LCP2: variants seen among roughly 807,000 people sequenced by gnomAD.
LCP2 encodes lymphocyte cytosolic protein 2.
LCP2 carries 29 observed loss-of-function variants against 74.5 expected under a neutral mutation model. The observed-to-expected ratio is 0.39, with a 90% CI of 0.29 to 0.53. LCP2 has a LOEUF of 0.53. Ranked by LOEUF, LCP2 falls within the 20% of genes least tolerant of loss-of-function variation. The pLI is 0.72. For missense variants in LCP2, 604 were observed against 634.6 expected (o/e 0.95, Z 0.52); for synonymous variants, 228 against 229.5 (o/e 0.99, Z 0.06).
chr5:170,260,312 C>T (rs1024668014), intron 14 of LCP2, among the ~76,000 whole-genome samples: 8 of 152,218 alleles, frequency 5.3e-5, no homozygotes, highest in Non-Finnish European at 1.2e-4. Context: ...ACAAGCACAG[C>T]ATCTAGCACA....
rs112523793 is a variant in LCP2, at chr5:170,261,459, G to GTATATA, written c.927-328_927-323dup. 1.7e-3 allele frequency among the ~76,000 whole-genome samples: 261 copies of GTATATA among 150,194 alleles called. 1 individual carries two copies. The highest frequency in any genetic ancestry group is 2.8e-3 in the Non-Finnish European group (189 of 67,494). On this transcript the variant is annotated intron_variant, in intron 13 of 20. Coordinates refer to ENST00000046794, the MANE Select transcript of LCP2 (RefSeq NM_005565.5). ...ATGTATATGTACACACACACTATAT[G>GTATATA]TATATACACACACACACACACACAC...
intron 1 of LCP2, among the ~76,000 whole-genome samples, chr5:170,294,787 C>T (rs1368798123): frequency 2.6e-5 from 4 of 152,186 alleles, no homozygotes; most frequent in Non-Finnish European, 4.4e-5. Context: ...GAAGAGTCAA[C>T]TGCCTTTAAT....
chr5:170,251,311 C>T (rs190464896), intron 19 of LCP2: 73 of 193,616 alleles, frequency 3.8e-4, no homozygotes, highest in Middle Eastern at 2.3e-3. Flanking sequence ...AGTCAGAAAA[C>T]ATCCACATGC....
Position 170,248,550 on chromosome 5 carries a change from C to A in LCP2, c.*147G>T. 1 of 792,478 alleles carries A rather than the reference C, an allele frequency of 1.3e-6. No individual in the cohort carries two copies. Among genetic ancestry groups the A allele is most frequent in the Non-Finnish European group, 2.1e-6 (1 of 483,844 alleles). 49.1% of individuals were successfully genotyped at this position (792,478 alleles called of 1,614,324 possible). On this transcript the variant is annotated 3_prime_UTR_variant, in exon 21 of 21. Coordinates refer to ENST00000046794, the MANE Select transcript of LCP2 (RefSeq NM_005565.5). ...GATAGTTGACAGTCTTCATTTCAAA[C>A]ACTGTTTTTAAAGGAAAGGATAAAA...
In LCP2 at chr5:170,295,239, T is replaced by C. The variant is rs1430776920; in HGVS notation, c.79-1867A>G. On this transcript the variant is annotated intron_variant, in intron 1 of 20. Transcript: ENST00000046794. ...AACATGGTCTCTGTCCTCAGGAGCT[T>C]ATATTCCAGACACAGGACGAGGTAC... 3.9e-5 allele frequency among the ~76,000 whole-genome samples: 6 copies of C among 152,238 alleles called. No individual in the cohort carries two copies. The East Asian group carries it at 1.2e-3, about 29-fold the overall frequency.
chr5:170,296,516 T>C (rs1762388524), intron 1 of LCP2, among the ~76,000 whole-genome samples: 1 of 152,204 alleles, frequency 6.6e-6, no homozygotes, highest in South Asian at 2.1e-4. Context: ...TTAGATGACT[T>C]CTACCATCTT....
At chr5:170,276,014 C>A (rs1424117410) in intron 3 of LCP2, among the ~76,000 whole-genome samples, 154 bp from the exon 4 acceptor site, 1 of 152,196 alleles carries the variant, frequency 6.6e-6, no homozygotes, top group African/African-American at 2.4e-5. Context: ...ACCCTCTGCT[C>A]TTCACTTCCT....
intron 14 of LCP2, among the ~76,000 whole-genome samples, chr5:170,259,508 G>A (rs1761617051): frequency 6.6e-6 from 1 of 152,148 alleles, no homozygotes; most frequent in South Asian, 2.1e-4. Flanking sequence ...CTTCCACTCA[G>A]ATAAGAAATG....
rs1261001594 is a variant in LCP2, at chr5:170,287,974, C to T, written c.184G>A (p.Val62Met). ...TAGAGTTGGAGGAGTACTTACGGCA[C>T]CCGGAGCTTGGGGAACTTCTGGATG... ...NDIQKFPKLRVPILSKLSQEI... is the reference protein window; with the variant it reads ...NDIQKFPKLRMPILSKLSQEI... Residue 62 changes from valine to methionine, a missense_variant, in exon 3 of 21, where the codon GTG becomes ATG. Transcript: ENST00000046794. 1.9e-6 allele frequency: 3 copies of T among 1,613,780 alleles called. No individual in the cohort carries two copies. The highest frequency in any genetic ancestry group is 2.5e-6 in the Non-Finnish European group (3 of 1,179,830).
chr5:170,290,016 G>A (rs1011327463), intron 2 of LCP2, among the ~76,000 whole-genome samples: 1 of 152,000 alleles, frequency 6.6e-6, no homozygotes, highest in African/African-American at 2.4e-5. Flanking sequence ...AGAGGAGCAG[G>A]GTGTCAGGAA....
intron 13 of LCP2, 53 bp downstream of exon 13, chr5:170,262,582 G>T: frequency 7.3e-7 from 1 of 1,374,040 alleles, no homozygotes; most frequent in South Asian, 1.2e-5. Flanking sequence ...GCACAGGGCA[G>T]CCTGTCTGCC....
At chr5:170,286,521 A>G (rs538961901) in intron 3 of LCP2, among the ~76,000 whole-genome samples, 2 of 152,370 alleles carry the variant, frequency 1.3e-5, no homozygotes, top group Admixed American at 1.3e-4. Context: ...ACTCTCCAGC[A>G]TAGTAGTCAC....
At chr5:170,275,249 C>G in intron 5 of LCP2, 71 bp downstream of exon 5, 3 of 1,544,196 alleles carry the variant, frequency 1.9e-6, no homozygotes, top group Non-Finnish European at 1.8e-6. Flanking sequence ...GCCCCAGGAA[C>G]CAGAAAGGCA....
At chr5:170,257,975 C>T in intron 16 of LCP2, 62 bp downstream of exon 16, 2 of 1,560,974 alleles carry the variant, frequency 1.3e-6, no homozygotes, top group Non-Finnish European at 1.8e-6. Context: ...CCTGGCATTA[C>T]TTCAGTACTG....
chr5:170,296,329 C>T (rs1192099244), intron 1 of LCP2, among the ~76,000 whole-genome samples: 6 of 152,164 alleles, frequency 3.9e-5, no homozygotes, highest in Admixed American at 3.9e-4. Flanking sequence ...GTGAACTGTA[C>T]CCCTACCATA....
At chr5:170,277,480 G>A (rs904795870) in intron 3 of LCP2, among the ~76,000 whole-genome samples, 16 of 152,140 alleles carry the variant, frequency 1.1e-4, no homozygotes, top group Admixed American at 7.2e-4. Context: ...GGGCGCGGTG[G>A]CTCACGCCTA....
chr5:170,257,934 T>C, intron 16 of LCP2, 103 bp downstream of exon 16: 1 of 1,305,364 alleles, frequency 7.7e-7, no homozygotes, highest in South Asian at 1.2e-5. Context: ...GACCCTACTA[T>C]CTACCCGTCA....
chr5:170,272,597 C>CTTTTTTTTTTTTTTTTTTTTTTTTTTT (rs61463939), intron 6 of LCP2, among the ~76,000 whole-genome samples: 3 of 40,342 alleles, frequency 7.4e-5, no homozygotes, highest in Non-Finnish European at 9.1e-5. Flanking sequence ...CAAATATTTT[C>CTTTTTTTTTTTTTTTTTTTTTTTTTTT]TTTTTTTTTT....
Position 170,268,407 on chromosome 5 carries a change from G to GT in LCP2, c.598_599insA (p.Pro200HisfsTer52). The GT allele has an allele frequency of 1.3e-6, 1 of 771,530 alleles. No individual in the cohort carries two copies. Among genetic ancestry groups the GT allele is most frequent in the Non-Finnish European group, 1.7e-6 (1 of 587,054 alleles). 47.8% of individuals were successfully genotyped at this position (771,530 alleles called of 1,614,324 possible). A position where few individuals can be genotyped will look rare whatever the true frequency, so the allele number is the denominator to read the frequency against. On this transcript the variant is annotated frameshift_variant, in exon 8 of 21. Coordinates refer to ENST00000046794, the MANE Select transcript of LCP2 (RefSeq NM_005565.5). LOFTEE classifies it high-confidence loss of function. ...TACCGAGTGATTCCGGCCGGCTGGT[G>GT]GGGGCGGGAGGGCGGCCATCGGTCT...
Sources: allele counts gnomAD v4.1 joint callset (sites outside exome capture counted in the v4.1 genomes callset), GRCh38; gene constraint gnomAD v4.1.1; transcripts MANE v1.5; gene names NCBI Gene and HGNC (gene_info 2026-07-23, HGNC 2026-07-21).